Variants in STAU1 observed in about 807,000 individuals in gnomAD.
The protein encoded by STAU1 is double-stranded RNA-binding protein Staufen homolog 1.
STAU1 carries 13 observed loss-of-function variants against 62.9 expected under a neutral mutation model. That is an observed-to-expected ratio of 0.21 (90% CI 0.13 to 0.33). STAU1 has a LOEUF of 0.33. Among genes scored for constraint, STAU1 ranks in the 10% least tolerant of loss-of-function variants. The pLI, the probability that STAU1 is intolerant of heterozygous loss-of-function variation, is 1.00. For missense variants in STAU1, 571 were observed against 712.1 expected (o/e 0.80, Z 2.25); for synonymous variants, 269 against 265.1 (o/e 1.01, Z -0.14).
chr20:49,115,411 C>G (rs566648927), intron 13 of STAU1, among the ~76,000 whole-genome samples: 1 of 152,260 alleles, frequency 6.6e-6, no homozygotes, highest in South Asian at 2.1e-4. Flanking sequence ...AAGCAGTTCT[C>G]TGCCTCGGCC....
chr20:49,149,792 A>C (rs1027730836), intron 5 of STAU1, among the ~76,000 whole-genome samples: 11 of 151,996 alleles, frequency 7.2e-5, no homozygotes, highest in African/African-American at 2.7e-4. Flanking sequence ...GTAACAAAAG[A>C]AAAACAAATC....
At chr20:49,132,354 A>C (rs1488039572) in intron 6 of STAU1, among the ~76,000 whole-genome samples, 3 of 152,186 alleles carry the variant, frequency 2.0e-5, no homozygotes, top group Non-Finnish European at 4.4e-5. Flanking sequence ...CCCCAATCTA[A>C]ATCTGGAGGA....
intron 2 of STAU1, among the ~76,000 whole-genome samples, chr20:49,173,818 A>G (rs2093626843): frequency 6.6e-6 from 1 of 152,224 alleles, no homozygotes; most frequent in Non-Finnish European, 1.5e-5. Flanking sequence ...ACAATGCTAA[A>G]TTCGTTCTAT....
the STAU1 span, among the ~76,000 whole-genome samples, chr20:49,203,975 G>T: frequency 6.6e-6 from 1 of 152,170 alleles, no homozygotes; most frequent in Non-Finnish European, 1.5e-5. Context: ...GGGCCACCTC[G>T]CCTGGCCAGG....
intron 3 of STAU1, chr20:49,158,811 A>T (rs2093404595): frequency 1.7e-6 from 1 of 571,866 alleles, no homozygotes; most frequent in Non-Finnish European, 2.6e-6. Flanking sequence ...ATTTCAAAAT[A>T]AAAAAAAGCC....
chr20:49,194,585 A>T, the STAU1 span, among the ~76,000 whole-genome samples: 1 of 151,994 alleles, frequency 6.6e-6, no homozygotes, highest in African/African-American at 2.4e-5. Context: ...TATTATTACT[A>T]TTATTATTTT....
chr20:49,149,108 G>A (rs1309223068), intron 5 of STAU1, among the ~76,000 whole-genome samples: 1 of 152,076 alleles, frequency 6.6e-6, no homozygotes, highest in African/African-American at 2.4e-5. Flanking sequence ...AAAATTAGCT[G>A]GGCGTGGTGG....
chr20:49,144,300 TA>T (rs1435113214), intron 5 of STAU1, among the ~76,000 whole-genome samples: 2 of 137,010 alleles, frequency 1.5e-5, no homozygotes, highest in African/African-American at 5.5e-5. Context: ...TTTTTTTTTT[TA>T]AATGCAAACA....
At chr20:49,133,605 C>A (rs2092803129) in intron 6 of STAU1, among the ~76,000 whole-genome samples, 1 of 152,174 alleles carries the variant, frequency 6.6e-6, no homozygotes, top group Non-Finnish European at 1.5e-5. Flanking sequence ...TCATTCCCTC[C>A]CCAAGTGCAT....
chr20:49,151,496 T>G, intron 5 of STAU1, 86 bp downstream of exon 5: 1 of 1,339,592 alleles, frequency 7.5e-7, no homozygotes, highest in Non-Finnish European at 9.8e-7. Flanking sequence ...CAATGTGCCT[T>G]CTTAGAAAAG....
At chr20:49,156,531 G>A (rs547262767) in intron 3 of STAU1, among the ~76,000 whole-genome samples, 34 of 152,100 alleles carry the variant, frequency 2.2e-4, no homozygotes, top group Non-Finnish European at 4.0e-4. Flanking sequence ...TCCTTCCTTC[G>A]CTACCAAAAG....
chr20:49,199,212 G>A, the STAU1 span, among the ~76,000 whole-genome samples: 1 of 151,910 alleles, frequency 6.6e-6, no homozygotes, highest in Non-Finnish European at 1.5e-5. Context: ...TTGGACTACA[G>A]GTGCATACCA....
At chr20:49,204,592 TTATATATATATA>T in the STAU1 span, among the ~76,000 whole-genome samples, 24 of 45,658 alleles carry the variant, frequency 5.3e-4, no homozygotes, top group Admixed American at 1.1e-3. Context: ...GGATTTTACA[TTATATATATATA>T]TATATATATA....
At chr20:49,182,640 C>T (rs1413839427) in intron 1 of STAU1, among the ~76,000 whole-genome samples, 1 of 152,132 alleles carries the variant, frequency 6.6e-6, no homozygotes, top group East Asian at 1.9e-4. Flanking sequence ...AGATCGAGAC[C>T]ATTCTAGCTA....
chr20:49,205,739 A>G, the STAU1 span, among the ~76,000 whole-genome samples: 1 of 150,896 alleles, frequency 6.6e-6, no homozygotes, highest in Non-Finnish European at 1.5e-5. Context: ...ATGGCACACA[A>G]TCTTGGCTCA....
chr20:49,217,076 G>T, the STAU1 span, among the ~76,000 whole-genome samples: 1 of 152,148 alleles, frequency 6.6e-6, no homozygotes, highest in African/African-American at 2.4e-5. Flanking sequence ...AGAATGAGGC[G>T]CTGCTCAGCG....
At chr20:49,203,789 C>T in the STAU1 span, among the ~76,000 whole-genome samples, 1 of 152,220 alleles carries the variant, frequency 6.6e-6, no homozygotes, top group African/African-American at 2.4e-5. Flanking sequence ...CTGGTTCAAG[C>T]AAATCCCCTG....
the STAU1 span, chr20:49,219,202 C>G: frequency 1.4e-6 from 1 of 706,302 alleles, no homozygotes; most frequent in Non-Finnish European, 2.4e-6. Flanking sequence ...ATACTGCCAC[C>G]GTTTTGAGGC....
intron 1 of STAU1, among the ~76,000 whole-genome samples, chr20:49,187,832 C>T (rs2093809528): frequency 1.3e-5 from 2 of 151,196 alleles, no homozygotes; most frequent in Admixed American, 6.6e-5. Context: ...TCCCCGCGCG[C>T]GCCATGCGGG....
Sources: allele counts gnomAD v4.1 joint callset (sites outside exome capture counted in the v4.1 genomes callset), GRCh38; gene constraint gnomAD v4.1.1; transcripts MANE v1.5; gene names NCBI Gene and HGNC (gene_info 2026-07-23, HGNC 2026-07-21).